The following PDE1B variants were observed in gnomAD, a reference collection of about 807,000 sequenced individuals.
The protein encoded by PDE1B is phosphodiesterase 1B.
PDE1B carries 13 observed loss-of-function variants against 66.7 expected under a neutral mutation model. The ratio of observed to expected loss-of-function variants is 0.19; its 90% CI spans 0.13 to 0.31. The LOEUF is 0.31. PDE1B is among the 10% of genes least tolerant of loss of function. The pLI, the probability that PDE1B is intolerant of heterozygous loss-of-function variation, is 1.00. For missense variants in PDE1B, 485 were observed against 682.3 expected (o/e 0.71, Z 3.22); for synonymous variants, 230 against 253.9 (o/e 0.91, Z 0.90).
chr12:54,559,639 G>A (rs1239424291), intron 2 of PDE1B, among the ~76,000 whole-genome samples: 1 of 152,188 alleles, frequency 6.6e-6, no homozygotes, highest in Non-Finnish European at 1.5e-5. Context: ...GAAGTGGTGA[G>A]CAGCCATTCG....
chr12:54,569,192 TGGACACGGA>T lies in PDE1B; in HGVS notation c.241_249del (p.Thr81_Asp83del). On this transcript the variant is annotated inframe_deletion, in exon 4 of 16. Coordinates refer to ENST00000243052, the MANE Select transcript of PDE1B (RefSeq NM_000924.4). The surrounding 1 kb of genome is among the most constrained non-coding windows in gnomAD (Gnocchi z 4.4). ...CCCTTCTGGGGTCTCAGGCAAATCT[TGGACACGGA>T]GGACGAGCTGCAGGAGCTGCGGTCA... The T allele has an allele frequency of 6.2e-7, 1 of 1,604,906 alleles. No individual in the cohort carries two copies. The highest frequency in any genetic ancestry group is 8.5e-7 in the Non-Finnish European group (1 of 1,174,206).
chr12:54,577,698 G>A (rs956649714), intron 15 of PDE1B, among the ~76,000 whole-genome samples, 162 bp from the exon 16 acceptor site: 1 of 152,190 alleles, frequency 6.6e-6, no homozygotes, highest in Non-Finnish European at 1.5e-5. Flanking sequence ...ACGTGACTTC[G>A]ACTTCAGCCC....
chr12:54,569,846 C>T lies in PDE1B; in HGVS notation c.477+234C>T, dbSNP rs1957585928. On this transcript the variant is annotated intron_variant, in intron 5 of 15. Transcript: ENST00000243052. The surrounding 1 kb of genome is among the most constrained non-coding windows in gnomAD (Gnocchi z 4.4). ...TCCTGAGTAGCTGGGATTACAGGTG[C>T]CCACCACCATGCCCAGCTAATTTTT... is the stretch of plus-strand genomic sequence containing the variant. Among the ~76,000 whole-genome samples the T allele has an allele frequency of 1.3e-5, 2 of 152,016 alleles. No homozygotes were observed. The highest frequency in any genetic ancestry group is 1.3e-4 in the Admixed American group (2 of 15,258).
chr12:54,563,426 C>T (rs1038869164), intron 2 of PDE1B, among the ~76,000 whole-genome samples: 2 of 152,190 alleles, frequency 1.3e-5, no homozygotes, highest in Non-Finnish European at 2.9e-5. Context: ...CTTAACCTCC[C>T]TGATAAGGAG....
chr12:54,554,028 T>C (rs936394269), intron 2 of PDE1B, among the ~76,000 whole-genome samples: 1 of 152,174 alleles, frequency 6.6e-6, no homozygotes, highest in African/African-American at 2.4e-5. Flanking sequence ...ATACCTGAAA[T>C]TGTCCTAGTT....
Position 54,575,312 on chromosome 12 carries a change from T to G in PDE1B, c.1185+94T>G, listed in dbSNP as rs893390671. On this transcript the variant is annotated intron_variant, in intron 11 of 15. Transcript: ENST00000243052. This position sits in a 1 kb window ranked among gnomAD's most constrained non-coding sequence, Gnocchi z 4.0. ...CCAATCCTGTTCCACATCCTCCTTT[T>G]GCTACCTGTAGTCTCTGACCTGATC... 1 of 1,146,380 alleles carries G rather than the reference T, an allele frequency of 8.7e-7. No homozygotes were observed. Among genetic ancestry groups the G allele is most frequent in the East Asian group, 2.4e-5 (1 of 42,478 alleles). The allele number at this position is 1,146,380 out of a possible 1,614,324, so 71.0% of individuals were successfully genotyped here.
At position 54,577,258 on chromosome 12, in the gene PDE1B, C is replaced by T. The variant is rs749477163; in HGVS notation, c.1541C>T (p.Ser514Phe). Reference protein sequence around the residue: ...ITNQMSIDELSPCEEEAPPSP... With the variant: ...ITNQMSIDELFPCEEEAPPSP... ...AACCAGATGTCCATTGACGAGCTGT[C>T]CCCCTGTGAAGAAGAGGCCCCCCCA... The change falls in exon 15 of 16, where the codon TCC becomes TTC. Residue 514 changes from serine (S) to phenylalanine (F), a missense_variant. Around this residue, in one of 4 missense-constraint regions of PDE1B, gnomAD observed 126 missense variants for 133.8 expected, o/e 0.94. Transcript: ENST00000243052. 8.7e-6 allele frequency: 14 copies of T among 1,608,790 alleles called. No homozygotes were observed. The highest frequency in any genetic ancestry group is 1.0e-5 in the Non-Finnish European group (12 of 1,175,550).
chr12:54,550,305 A>G, intron 2 of PDE1B: 2 of 1,107,088 alleles, frequency 1.8e-6, no homozygotes, highest in African/African-American at 3.2e-5. Context: ...AGGGCAGTAG[A>G]GGTGCCAGGC....
chr12:54,576,801 C>T lies in PDE1B; in HGVS notation c.1507+100C>T, dbSNP rs1426920170. ...TTAAGCCCCTGGGGAAACCCTTTGC[C>T]GGACTCCTTGATTTGGGAGTGGAGC... is the stretch of plus-strand genomic sequence containing the variant. On this transcript the variant is annotated intron_variant, in intron 14 of 15. Transcript: ENST00000243052. 5.2e-5 allele frequency: 68 copies of T among 1,299,916 alleles called. 2 individuals are homozygous for T. In the South Asian group the frequency reaches 6.6e-4, roughly 13 times the overall value. 80.5% of individuals were successfully genotyped at this position (1,299,916 alleles called of 1,614,324 possible).
intron 3 of PDE1B, among the ~76,000 whole-genome samples, chr12:54,567,292 C>T (rs1195314754): frequency 1.3e-5 from 2 of 151,638 alleles, no homozygotes; most frequent in East Asian, 1.9e-4. Context: ...TTCTTTGAAC[C>T]CAGGAGTTTG....
chr12:54,572,560 TG>T, intron 6 of PDE1B, 40 bp from the exon 7 acceptor site: 1 of 1,595,670 alleles, frequency 6.3e-7, no homozygotes, highest in Non-Finnish European at 8.6e-7. Flanking sequence ...ACCATTCCTG[TG>T]GATCCTTGAT....
chr12:54,569,584 ACT>A lies in PDE1B; in HGVS notation c.452_453del (p.Ser151TyrfsTer16). The A allele has an allele frequency of 6.2e-7, 1 of 1,613,034 alleles. No homozygotes were observed. Among genetic ancestry groups the A allele is most frequent in the Non-Finnish European group, 8.5e-7 (1 of 1,179,542 alleles). On this transcript the variant is annotated frameshift_variant, in exon 5 of 16. Transcript: ENST00000243052. LOFTEE classifies it high-confidence loss of function. This position sits in a 1 kb window ranked among gnomAD's most constrained non-coding sequence, Gnocchi z 4.4. ...ACATACACCTCTGTGGGCCCCACTT[ACT>A]CTACTGCGGTTCTCAACTGTCTCAA...
chr12:54,572,797 G>A lies in PDE1B; in HGVS notation c.735+56G>A, dbSNP rs531849784. The A allele has an allele frequency of 4.2e-5, 65 of 1,561,976 alleles. No individual in the cohort carries two copies. The African/African-American group carries it at 7.8e-4, about 19-fold the overall frequency. On this transcript the variant is annotated intron_variant, in intron 7 of 15. Coordinates refer to ENST00000243052, the MANE Select transcript of PDE1B (RefSeq NM_000924.4). ...TTCAGGGCCTATGGCTACAGAACTG[G>A]GAGGTCTAGACTGTACTCCCATTTC...
In PDE1B at chr12:54,574,934, C is replaced by T. The variant is rs138337887; in HGVS notation, c.1065-164C>T. On this transcript the variant is annotated intron_variant, in intron 10 of 15. Transcript: ENST00000243052. The stretch of plus-strand genomic sequence containing the variant: ...AGGTTGCAGTGAGCTGAGATTGTGC[C>T]ACTGCACTCCAGCCCGGGCAACAGA... The T allele has an allele frequency of 5.5e-5, 29 of 523,578 alleles. No homozygotes were observed. In the East Asian group the frequency reaches 1.0e-3, roughly 18 times the overall value. The allele number at this position is 523,578 out of a possible 1,614,324, so 32.4% of individuals were successfully genotyped here.
chr12:54,573,766 G>A lies in PDE1B; in HGVS notation c.1064+57G>A. On this transcript the variant is annotated intron_variant, in intron 10 of 15. Coordinates refer to ENST00000243052, the MANE Select transcript of PDE1B (RefSeq NM_000924.4). The surrounding 1 kb of genome is among the most constrained non-coding windows in gnomAD (Gnocchi z 5.2). ...GCCAGAGGGAGGGGTGTGTGAACTG[G>A]GGGGGTATACACAAGGGTAGTTGGT... 6 of 1,265,108 alleles carry A rather than the reference G, an allele frequency of 4.7e-6. No individual in the cohort carries two copies. Among genetic ancestry groups the A allele is most frequent in the South Asian group, 1.2e-5 (1 of 84,138 alleles). The allele number at this position is 1,265,108 out of a possible 1,614,324, so 78.4% of individuals were successfully genotyped here. A position where few individuals can be genotyped will look rare whatever the true frequency, so the allele number is the denominator to read the frequency against.
At position 54,577,262 on chromosome 12, in the gene PDE1B, C is replaced by T. The variant is rs1957774196; in HGVS notation, c.1545C>T (p.Pro515=). 5 of 1,613,430 alleles carry T rather than the reference C, an allele frequency of 3.1e-6. No homozygotes were observed. Among genetic ancestry groups the T allele is most frequent in the East Asian group, 2.2e-5 (1 of 44,864 alleles). Residue 515 remains proline, a synonymous_variant, in exon 15 of 16, where the codon CCC becomes CCT. Coordinates refer to ENST00000243052, the MANE Select transcript of PDE1B (RefSeq NM_000924.4). The stretch of plus-strand genomic sequence containing the variant: ...AGATGTCCATTGACGAGCTGTCCCC[C>T]TGTGAAGAAGAGGCCCCCCCATCCC... ...TNQMSIDELS[P]CEEEAPPSPA...
Position 54,569,701 on chromosome 12 carries a change from G to A in PDE1B, c.477+89G>A. The A allele has an allele frequency of 1.1e-6, 1 of 892,718 alleles. No homozygotes were observed. Among genetic ancestry groups the A allele is most frequent in the Non-Finnish European group, 1.8e-6 (1 of 559,976 alleles). The allele number at this position is 892,718 out of a possible 1,614,324, so 55.3% of individuals were successfully genotyped here. A position where few individuals can be genotyped will look rare whatever the true frequency, so the allele number is the denominator to read the frequency against. The stretch of plus-strand genomic sequence containing the variant: ...AGACCCTGTTTATGGCATTATTTTT[G>A]CCTTCCTTTTTTTTTTTTGAAATGG... On this transcript the variant is annotated intron_variant, in intron 5 of 15. Coordinates refer to ENST00000243052, the MANE Select transcript of PDE1B (RefSeq NM_000924.4). The surrounding 1 kb of genome is among the most constrained non-coding windows in gnomAD (Gnocchi z 4.4).
In PDE1B at chr12:54,572,653, G is replaced by A. The variant is rs767537010; in HGVS notation, c.647G>A (p.Gly216Glu). 2 of 1,613,938 alleles carry A rather than the reference G, an allele frequency of 1.2e-6. No homozygotes were observed. Among genetic ancestry groups the A allele is most frequent in the Non-Finnish European group, 8.5e-7 (1 of 1,179,806 alleles). Reference protein sequence around the residue: ...SFLDALETGYGKYKNPYHNQI... With the variant: ...SFLDALETGYEKYKNPYHNQI... ...CTGGATGCCTTGGAGACAGGCTATG[G>A]GAAGTACAAGAATCCTTACCACAAC... The change falls in exon 7 of 16, where the codon GGG (glycine) becomes GAG (glutamate). Residue 216 changes from glycine to glutamate, a missense_variant. By Grantham distance (98) the Gly-to-Glu change is moderately conservative. Transcript: ENST00000243052.
chr12:54,574,974 CAAAAAAAAAAA>C (rs35584396), intron 10 of PDE1B, 113 bp from the exon 11 acceptor site: 1 of 432,444 alleles, frequency 2.3e-6, no homozygotes, highest in Non-Finnish European at 3.7e-6. Context: ...GACCCTGTCT[CAAAAAAAAAAA>C]AAAAAAAAGG....
Sources: allele counts gnomAD v4.1 joint callset (sites outside exome capture counted in the v4.1 genomes callset), GRCh38; gene constraint gnomAD v4.1.1; regional missense constraint gnomAD v4.1.1; non-coding constraint Gnocchi (gnomAD v3.1); transcripts MANE v1.5; gene names NCBI Gene and HGNC (gene_info 2026-07-23, HGNC 2026-07-21).